Variants in ALK observed in about 807,000 individuals in gnomAD.
ALK encodes ALK receptor tyrosine kinase.
In ALK, 74 loss-of-function variants were observed where a neutral mutation model predicts 163.1. The ratio of observed to expected loss-of-function variants is 0.45; its 90% CI spans 0.38 to 0.55. ALK has a LOEUF of 0.55. Among genes scored for constraint, ALK ranks in the 20% least tolerant of loss-of-function variants. ALK has a pLI of 0.00. For synonymous variants in ALK, 960 were observed against 843.2 expected, an observed-to-expected ratio of 1.14 and a Z score of -2.40; for missense variants, 2,063 against 2,105.3, an observed-to-expected ratio of 0.98 and a Z score of 0.39.
At chr2:29,355,899 C>A (rs1017352703) in intron 5 of ALK, among the ~76,000 whole-genome samples, 1 of 152,174 alleles carries the variant, frequency 6.6e-6, no homozygotes, top group East Asian at 1.9e-4. Flanking sequence ...TCCACCTAGG[C>A]TCCCAGAGTA....
chr2:29,821,371 C>G (rs565730874), intron 1 of ALK, among the ~76,000 whole-genome samples: 210 of 152,208 alleles, frequency 1.4e-3, no homozygotes, highest in African/African-American at 4.8e-3. Context: ...TCTCCCCTCC[C>G]CTCAAGGATC....
intron 3 of ALK, among the ~76,000 whole-genome samples, chr2:29,690,642 T>C (rs1160152506): frequency 1.3e-5 from 2 of 152,224 alleles, no homozygotes; most frequent in African/African-American, 2.4e-5. Flanking sequence ...TAATTTATAA[T>C]ATTATGTTCC....
intron 1 of ALK, among the ~76,000 whole-genome samples, chr2:29,845,319 G>T (rs1174340591): frequency 6.6e-6 from 1 of 152,150 alleles, no homozygotes; most frequent in Non-Finnish European, 1.5e-5. Context: ...TAATTCTGGG[G>T]GATGTTAATA....
chr2:29,721,067 G>A (rs1679408014), intron 1 of ALK, among the ~76,000 whole-genome samples: 1 of 152,158 alleles, frequency 6.6e-6, no homozygotes, highest in African/African-American at 2.4e-5. Flanking sequence ...AGAGAAAGGA[G>A]GAAGAAATAT....
chr2:29,449,938 G>A (rs1329154194), intron 4 of ALK, among the ~76,000 whole-genome samples: 2 of 152,222 alleles, frequency 1.3e-5, no homozygotes, highest in Non-Finnish European at 2.9e-5. Context: ...TTGAAGATGG[G>A]CTAATGGAAT....
intron 3 of ALK, among the ~76,000 whole-genome samples, chr2:29,569,071 A>G (rs1181493619): frequency 6.6e-6 from 1 of 152,176 alleles, no homozygotes; most frequent in Non-Finnish European, 1.5e-5. Flanking sequence ...CTGAGCACCC[A>G]GAGGGCTTCC....
intron 4 of ALK, among the ~76,000 whole-genome samples, chr2:29,526,766 C>T (rs1219214308): frequency 6.6e-6 from 1 of 152,248 alleles, no homozygotes; most frequent in Non-Finnish European, 1.5e-5. Flanking sequence ...GCTGTCAAGA[C>T]TTGCCACATT....
At chr2:29,209,174 T>C (rs1464070522) in intron 25 of ALK, among the ~76,000 whole-genome samples, 2 of 152,144 alleles carry the variant, frequency 1.3e-5, no homozygotes, top group Non-Finnish European at 2.9e-5. Context: ...TCTTTCCACA[T>C]CAAGTATCCA....
intron 3 of ALK, among the ~76,000 whole-genome samples, chr2:29,689,808 T>C (rs1678343165): frequency 6.6e-6 from 1 of 152,164 alleles, no homozygotes; most frequent in Non-Finnish European, 1.5e-5. Context: ...ACATGTCCCG[T>C]TAAGATACAG....
chr2:29,213,907 G>A (rs1476915925), intron 24 of ALK, 77 bp downstream of exon 24: 2 of 1,249,034 alleles, frequency 1.6e-6, no homozygotes, highest in South Asian at 1.2e-5. Flanking sequence ...AGGGGGAAAT[G>A]TGAGCCCTTG....
At chr2:29,806,774 A>G (rs1163893792) in intron 1 of ALK, among the ~76,000 whole-genome samples, 3 of 152,196 alleles carry the variant, frequency 2.0e-5, no homozygotes, top group Admixed American at 6.5e-5. Flanking sequence ...TGCATAGGGT[A>G]TGTACAGGCA....
At chr2:29,872,166 G>A (rs572925473) in intron 1 of ALK, among the ~76,000 whole-genome samples, 2 of 152,198 alleles carry the variant, frequency 1.3e-5, no homozygotes, top group African/African-American at 4.8e-5. Flanking sequence ...ACAATGACAG[G>A]GAGTTGACTG....
intron 5 of ALK, among the ~76,000 whole-genome samples, chr2:29,350,036 T>C (rs1668072106): frequency 6.6e-6 from 1 of 152,124 alleles, no homozygotes; most frequent in African/African-American, 2.4e-5. Flanking sequence ...GAACCATCTC[T>C]AGCAAGCAGG....
rs200080181 is a variant in ALK at position 29,225,518 on chromosome 2, C to T, written c.3115G>A (p.Val1039Met). Residue 1039 changes from valine to methionine, a missense_variant, in exon 19 of 29, where the codon GTG becomes ATG. Transcript: ENST00000389048. The stretch of plus-strand genomic sequence containing the variant: ...GCGGCCACGAGGGCAGAGGTCACCA[C>T]AGAGAGGATCAGCGAGAGTGGCAGG... ...PHLPLSLILS[V>M]VTSALVAALV... The T allele has an allele frequency of 9.9e-5, 160 of 1,613,538 alleles. No individual in the cohort carries two copies. The highest frequency in any genetic ancestry group is 1.7e-4 in the Middle Eastern group (1 of 6,056).
chr2:29,567,179 C>A lies in ALK; in HGVS notation c.953-35063G>T, dbSNP rs1006593873. 1.3e-5 allele frequency among the ~76,000 whole-genome samples: 2 copies of A among 152,282 alleles called. 1 individual carries two copies. The highest frequency in any genetic ancestry group is 1.3e-4 in the Admixed American group (2 of 15,286). ...AGAAAAGCCAGCTGTTCTCAACAAC[C>A]AAAGGCAACACAGACCAGGTAACAC... On this transcript the variant is annotated intron_variant, in intron 3 of 28. Transcript: ENST00000389048.
chr2:29,287,998 G>C (rs1261890666), intron 9 of ALK, among the ~76,000 whole-genome samples: 1 of 145,684 alleles, frequency 6.9e-6, no homozygotes, highest in African/African-American at 2.5e-5. Context: ...ACATACCTAG[G>C]TACTCAGGTG....
chr2:29,775,069 A>G (rs1006341402), intron 1 of ALK, among the ~76,000 whole-genome samples: 13 of 152,242 alleles, frequency 8.5e-5, no homozygotes, highest in African/African-American at 3.1e-4. Context: ...TCCAGGTTAA[A>G]GATTCAGAAT....
intron 8 of ALK, among the ~76,000 whole-genome samples, chr2:29,301,787 T>A (rs1666377896): frequency 6.6e-6 from 1 of 152,244 alleles, no homozygotes; most frequent in African/African-American, 2.4e-5. Context: ...CTTCCTGTTC[T>A]GTGTTTTAGG....
At chr2:29,609,599 T>TGA (rs1203239211) in intron 3 of ALK, among the ~76,000 whole-genome samples, 1 of 152,170 alleles carries the variant, frequency 6.6e-6, no homozygotes, top group Non-Finnish European at 1.5e-5. Context: ...CTGTGACATG[T>TGA]GAGTCACCTT....
Sources: allele counts gnomAD v4.1 joint callset (sites outside exome capture counted in the v4.1 genomes callset), GRCh38; gene constraint gnomAD v4.1.1; transcripts MANE v1.5; gene names NCBI Gene and HGNC (gene_info 2026-07-23, HGNC 2026-07-21).